ASB2: variants seen among roughly 807,000 people sequenced by gnomAD.
ASB2 encodes the protein ankyrin repeat and SOCS box containing 2.
Under a neutral mutation model 62.4 loss-of-function variants are expected in ASB2, and 58 were observed. The observed-to-expected ratio is 0.93, with a 90% CI of 0.75 to 1.16. The LOEUF is 1.16. Among genes scored for constraint, ASB2 ranks in the 50% most tolerant of loss-of-function variants. The probability of loss-of-function intolerance (pLI) is 0.00; values close to 1 mark genes in which losing one functional copy is unlikely to be tolerated. For synonymous variants in ASB2, 386 were observed against 385.3 expected, an observed-to-expected ratio of 1.00 and a Z score of -0.02; for missense variants, 928 against 887.9, an observed-to-expected ratio of 1.05 and a Z score of -0.57.
chr14:93,956,952 G>T lies in ASB2; in HGVS notation c.207-82C>A. On this transcript the variant is annotated intron_variant, in intron 2 of 9. Transcript: ENST00000555019. ...GGTCATGGCTTCAGGCAGGAATGAG[G>T]ATGGAGGGAGAGCCAGGGAGAGACT... The T allele has an allele frequency of 1.9e-6, 3 of 1,593,592 alleles. No homozygotes were observed. The South Asian group carries it at 3.4e-5, about 18-fold the overall frequency.
chr14:93,940,752 C>T (rs1241610478), intron 7 of ASB2, among the ~76,000 whole-genome samples: 2 of 152,236 alleles, frequency 1.3e-5, no homozygotes, highest in Non-Finnish European at 2.9e-5. Context: ...CTGATCTCAG[C>T]ACTTTACCTC....
In ASB2 at chr14:93,970,477, C is replaced by A. The variant is rs79349173; in HGVS notation, c.-73-5865G>T. 2.0e-4 allele frequency among the ~76,000 whole-genome samples: 30 copies of A among 152,178 alleles called. No individual in the cohort carries two copies. The East Asian group carries it at 3.3e-3, about 17-fold the overall frequency. ...GAGTCCTCTGCTGCCTCCAAGGGCC[C>A]CCTTCACATTCTACTGCTTGGACTG... On this transcript the variant is annotated intron_variant, in intron 1 of 9. Coordinates refer to ENST00000555019, the MANE Select transcript of ASB2 (RefSeq NM_001202429.2).
At chr14:93,935,613 A>AG (rs938033014) in intron 9 of ASB2, among the ~76,000 whole-genome samples, 24 of 152,196 alleles carry the variant, frequency 1.6e-4, no homozygotes, top group African/African-American at 5.8e-4. Context: ...GAAGGGGGAC[A>AG]GGGGCATTCT....
chr14:93,964,248 T>C (rs1889507240), intron 2 of ASB2, 86 bp downstream of exon 2: 1 of 1,199,742 alleles, frequency 8.3e-7, no homozygotes, highest in Non-Finnish European at 1.2e-6. Flanking sequence ...CAGGATACCG[T>C]GGTTTTGGAT....
intron 2 of ASB2, among the ~76,000 whole-genome samples, chr14:93,960,293 G>A (rs931865196): frequency 6.6e-5 from 10 of 152,198 alleles, no homozygotes; most frequent in African/African-American, 2.2e-4. Flanking sequence ...TCTCCCTGCT[G>A]TGTCATCAGG....
chr14:93,937,614 A>G, intron 9 of ASB2, 84 bp downstream of exon 9: 1 of 1,391,000 alleles, frequency 7.2e-7, no homozygotes, highest in South Asian at 1.4e-5. Context: ...TCACAGGGTT[A>G]GGAACAGTCG....
At chr14:93,955,090 A>G (rs994996540) in intron 3 of ASB2, 1 of 456,570 alleles carries the variant, frequency 2.2e-6, no homozygotes, top group Non-Finnish European at 4.4e-6. Context: ...TCCTTCATTC[A>G]TTCACTGAGC....
At chr14:93,936,519 G>A (rs981731824) in intron 9 of ASB2, among the ~76,000 whole-genome samples, 3 of 152,208 alleles carry the variant, frequency 2.0e-5, no homozygotes, top group African/African-American at 4.8e-5. Flanking sequence ...TTTATCATGC[G>A]TCTAGAGTTA....
intron 1 of ASB2, among the ~76,000 whole-genome samples, 177 bp downstream of exon 1, chr14:93,976,257 G>T (rs1567035536): frequency 6.6e-6 from 1 of 152,176 alleles, no homozygotes. Context: ...TCTGTTCATT[G>T]CATCCAAAAC....
chr14:93,939,287 C>T lies in ASB2; in HGVS notation c.1438G>A (p.Ala480Thr), dbSNP rs1169054050. 2 of 1,609,104 alleles carry T rather than the reference C, an allele frequency of 1.2e-6. No homozygotes were observed. Among genetic ancestry groups the T allele is most frequent in the Admixed American group, 1.7e-5 (1 of 59,880 alleles). ...YIATHPTAFP[A>T]TIMFAMKCLS... ...CACTTCATGGCGAACATGATGGTGG[C>T]GGGGAAGGCGGTGGGGTGCGTGGCG... The change falls in exon 8 of 10, where the codon GCC becomes ACC. Residue 480 changes from alanine (A) to threonine (T), a missense_variant. By Grantham distance (58) the Ala-to-Thr change is moderately conservative. Transcript: ENST00000555019.
intron 3 of ASB2, chr14:93,955,229 C>T (rs1889140449): frequency 1.3e-5 from 6 of 451,032 alleles, no homozygotes; most frequent in South Asian, 7.8e-5. Flanking sequence ...AGGCAGGCCT[C>T]ATTCCCAGGA....
chr14:93,974,890 G>C (rs1288802378), intron 1 of ASB2, among the ~76,000 whole-genome samples: 1 of 152,254 alleles, frequency 6.6e-6, no homozygotes, highest in Non-Finnish European at 1.5e-5. Flanking sequence ...GTCACCGTGC[G>C]TGGGTTAGAC....
At chr14:93,969,136 A>C (rs1889679908) in intron 1 of ASB2, among the ~76,000 whole-genome samples, 1 of 152,190 alleles carries the variant, frequency 6.6e-6, no homozygotes, top group South Asian at 2.1e-4. Flanking sequence ...AAAAGGGTTC[A>C]TGTGTGTACA....
chr14:93,973,951 G>C (rs773201270), intron 1 of ASB2: 1 of 152,344 alleles, frequency 6.6e-6, no homozygotes, highest in Non-Finnish European at 1.5e-5. Flanking sequence ...CCCTCACCTT[G>C]GTTCCTTAGT....
intron 3 of ASB2, among the ~76,000 whole-genome samples, chr14:93,956,144 CA>C (rs1889191655): frequency 6.6e-6 from 1 of 152,074 alleles, no homozygotes; most frequent in Non-Finnish European, 1.5e-5. Flanking sequence ...GTCACTATTC[CA>C]GGGGTACAGA....
chr14:93,935,151 C>A (rs1479439084), intron 9 of ASB2, among the ~76,000 whole-genome samples: 3 of 152,292 alleles, frequency 2.0e-5, no homozygotes, highest in Admixed American at 6.5e-5. Context: ...ACAGCCTGGG[C>A]CCCCAAACAC....
At chr14:93,939,759 G>GA in intron 7 of ASB2, 87 bp from the exon 8 acceptor site, 1 of 1,096,974 alleles carries the variant, frequency 9.1e-7, no homozygotes, top group Non-Finnish European at 1.2e-6. Context: ...GAGCTCGGGC[G>GA]CCAGGCTCGG....
chr14:93,973,331 C>A (rs75488494), intron 1 of ASB2, among the ~76,000 whole-genome samples: 1 of 152,102 alleles, frequency 6.6e-6, no homozygotes, highest in South Asian at 2.1e-4. Context: ...AAGACCCTAA[C>A]GAAAAGTCTT....
intron 6 of ASB2, among the ~76,000 whole-genome samples, chr14:93,948,535 T>G (rs1346017919): frequency 6.6e-6 from 1 of 152,284 alleles, no homozygotes; most frequent in Admixed American, 6.5e-5. Flanking sequence ...TTCTAGCTCT[T>G]ATCACTAGTG....
Sources: gnomAD v4.1 joint callset for allele counts (sites outside exome capture counted in the v4.1 genomes callset) on GRCh38, gnomAD v4.1.1 for gene constraint, MANE v1.5 for transcripts, NCBI Gene and HGNC (gene_info 2026-07-23, HGNC 2026-07-21) for gene names.